The following MFAP1 variants were observed in gnomAD, a reference collection of about 807,000 sequenced individuals.
The protein encoded by MFAP1 is microfibril associated protein 1.
Under a neutral mutation model 62.2 loss-of-function variants are expected in MFAP1, and 18 were observed. That is an observed-to-expected ratio of 0.29 (90% CI 0.20 to 0.43). The LOEUF is 0.43. Ranked by LOEUF, MFAP1 falls within the 20% of genes least tolerant of loss-of-function variation. MFAP1 has a pLI of 1.00. For missense variants in MFAP1, 355 were observed against 559.7 expected (o/e 0.63, Z 3.69); for synonymous variants, 175 against 180.4 (o/e 0.97, Z 0.24).
At chr15:43,815,224 G>T in intron 2 of MFAP1, 150 bp from the exon 3 acceptor site, 1 of 979,154 alleles carries the variant, frequency 1.0e-6, no homozygotes, top group Non-Finnish European at 1.5e-6. Context: ...CTGTCGCCCA[G>T]GCTGCAGTGC....
chr15:43,814,396 C>T, intron 4 of MFAP1, 105 bp downstream of exon 4: 2 of 1,324,122 alleles, frequency 1.5e-6, no homozygotes, highest in Middle Eastern at 1.9e-4. Context: ...AGCACTTTCA[C>T]TCAGCGTTTA....
intron 6 of MFAP1, among the ~76,000 whole-genome samples, chr15:43,812,079 A>C (rs1390082485): frequency 2.0e-5 from 3 of 151,910 alleles, no homozygotes; most frequent in Non-Finnish European, 2.9e-5. Context: ...AATCCCAGCT[A>C]CTTGGGAGGC....
At chr15:43,810,696 G>A (rs1011538890) in intron 6 of MFAP1, among the ~76,000 whole-genome samples, 2 of 151,528 alleles carry the variant, frequency 1.3e-5, no homozygotes, top group African/African-American at 4.9e-5. Flanking sequence ...GCCAGTGTTG[G>A]GGAGAGGGAG....
intron 7 of MFAP1, among the ~76,000 whole-genome samples, chr15:43,809,434 C>T (rs1567175833): frequency 6.6e-6 from 1 of 150,722 alleles, no homozygotes; most frequent in Admixed American, 6.6e-5. Flanking sequence ...GTCAAGGTTG[C>T]AGTGAACTAT....
chr15:43,808,662 G>A (rs2087380490), intron 7 of MFAP1, among the ~76,000 whole-genome samples: 1 of 152,244 alleles, frequency 6.6e-6, no homozygotes, highest in Non-Finnish European at 1.5e-5. Flanking sequence ...AGCTACATCT[G>A]CTGGAAAACT....
chr15:43,813,982 C>T (rs1040894415), intron 4 of MFAP1, among the ~76,000 whole-genome samples: 1 of 151,966 alleles, frequency 6.6e-6, no homozygotes, highest in African/African-American at 2.4e-5. Context: ...GGCTTGGTGC[C>T]GTGGCTCATG....
chr15:43,824,377 C>T, intron 1 of MFAP1, 114 bp downstream of exon 1: 1 of 1,014,000 alleles, frequency 9.9e-7, no homozygotes, highest in Non-Finnish European at 1.5e-6. Flanking sequence ...AAGAATCTGG[C>T]AGCCAGATCT....
intron 6 of MFAP1, 100 bp from the exon 7 acceptor site, chr15:43,810,014 C>G: frequency 7.2e-7 from 1 of 1,394,542 alleles, no homozygotes; most frequent in Non-Finnish European, 9.9e-7. Flanking sequence ...TATTAGTCAC[C>G]TTCTTTAATT....
Position 43,810,195 on chromosome 15 carries a change from T to C in MFAP1, c.888-281A>G, listed in dbSNP as rs2087390304. 3 of 309,332 alleles carry C rather than the reference T, an allele frequency of 9.7e-6. No homozygotes were observed. The Admixed American group carries it at 1.4e-4, about 14-fold the overall frequency. The allele number at this position is 309,332 out of a possible 1,614,324, so 19.2% of individuals were successfully genotyped here. A position where few individuals can be genotyped will look rare whatever the true frequency, so the allele number is the denominator to read the frequency against. On this transcript the variant is annotated intron_variant, in intron 6 of 8. Transcript: ENST00000267812. ...GGGTTTTCCAACATTACAAATTCTC[T>C]TTCCCTAAAAGGTCTTCTTAGCTTT...
intron 6 of MFAP1, chr15:43,810,197 TC>T (rs1260650233): frequency 2.3e-5 from 7 of 308,216 alleles, no homozygotes; most frequent in African/African-American, 1.5e-4. Flanking sequence ...AAATTCTCTT[TC>T]CCTAAAAGGT....
At position 43,824,084 on chromosome 15, in the gene MFAP1, CTAA is replaced by C. The variant is rs200597944; in HGVS notation, c.79+404_79+406del. On this transcript the variant is annotated intron_variant, in intron 1 of 8. Coordinates refer to ENST00000267812, the MANE Select transcript of MFAP1 (RefSeq NM_005926.3). ...ATACTTAAGTTCCTAAGTAATTACA[CTAA>C]TAATACATAAATTCTTGTAATTATA... 8.9e-3 allele frequency among the ~76,000 whole-genome samples: 1,350 copies of C among 151,408 alleles called. 23 individuals carry two copies. The highest frequency in any genetic ancestry group is 0.029 in the African/African-American group (1,188 of 41,260).
chr15:43,807,659 A>G (rs2087374470), intron 7 of MFAP1, among the ~76,000 whole-genome samples: 1 of 152,060 alleles, frequency 6.6e-6, no homozygotes, highest in Admixed American at 6.6e-5. Flanking sequence ...AAAATTATAC[A>G]TCTTAAATGC....
At position 43,817,734 on chromosome 15, in the gene MFAP1, C is replaced by A. The variant is rs139133878; in HGVS notation, c.80-286G>T. On this transcript the variant is annotated intron_variant, in intron 1 of 8. Coordinates refer to ENST00000267812, the MANE Select transcript of MFAP1 (RefSeq NM_005926.3). ...TGAAACAGTAGAAAAAAGTCCCCCC[C>A]CAAAAAGGCAGACTGCATCCATCAC... is the stretch of plus-strand genomic sequence containing the variant. Among the ~76,000 whole-genome samples the A allele has an allele frequency of 1.2e-3, 185 of 152,240 alleles. 4 individuals carry two copies. In the East Asian group the frequency reaches 0.027, roughly 22 times the overall value.
At chr15:43,821,268 A>G (rs1169763438) in intron 1 of MFAP1, among the ~76,000 whole-genome samples, 5 of 152,192 alleles carry the variant, frequency 3.3e-5, no homozygotes, top group Non-Finnish European at 7.3e-5. Context: ...AAATAGAGAA[A>G]TATTTCATGT....
chr15:43,820,929 A>C (rs1350416737), intron 1 of MFAP1, among the ~76,000 whole-genome samples: 1 of 152,168 alleles, frequency 6.6e-6, no homozygotes, highest in Non-Finnish European at 1.5e-5. Flanking sequence ...TGTTTGAGAA[A>C]GGGTCTCATT....
chr15:43,816,136 T>C lies in MFAP1; in HGVS notation c.300-1062A>G, dbSNP rs554547840. 5.3e-5 allele frequency among the ~76,000 whole-genome samples: 8 copies of C among 152,314 alleles called. No homozygotes were observed. In the East Asian group the frequency reaches 1.5e-3, roughly 29 times the overall value. Reference sequence around the variant, plus strand: ...GCTGATTCCAAGGTTTGAAAGGCTGTCAGTGTCCAACAGGCAAACAAATTC... The same window carrying C: ...GCTGATTCCAAGGTTTGAAAGGCTGCCAGTGTCCAACAGGCAAACAAATTC... On this transcript the variant is annotated intron_variant, in intron 2 of 8. Coordinates refer to ENST00000267812, the MANE Select transcript of MFAP1 (RefSeq NM_005926.3).
In MFAP1 at chr15:43,824,619, G is replaced by A; in HGVS notation, c.-50C>T. 1 of 1,583,792 alleles carries A rather than the reference G, an allele frequency of 6.3e-7. No homozygotes were observed. ...CGAAACTTGACTAATTCCAAACAGT[G>A]AACACCAGCAACGTCAACGAAGAGA... On this transcript the variant is annotated 5_prime_UTR_variant, in exon 1 of 9. Transcript: ENST00000267812.
At position 43,805,181 on chromosome 15, in the gene MFAP1, G is replaced by C. The variant is rs2087355037; in HGVS notation, c.1233C>G (p.Ala411=). 6.2e-7 allele frequency: 1 copy of C among 1,604,454 alleles called. No homozygotes were observed. The highest frequency in any genetic ancestry group is 1.3e-5 in the African/African-American group (1 of 74,836). Residue 411 remains alanine, a synonymous_variant, in exon 9 of 9, where the codon GCC becomes GCG. Coordinates refer to ENST00000267812, the MANE Select transcript of MFAP1 (RefSeq NM_005926.3). ...TTTGTTTGAAGAACTTTGTGTTCTG[G>C]GCACTCTCTTGGCCCCAAGCTGAGT... The part of the protein sequence containing the change: ...SFDSAWGQES[A]QNTKFFKQKA...
intron 1 of MFAP1, among the ~76,000 whole-genome samples, chr15:43,818,518 G>C (rs199542192): frequency 1.8e-5 from 2 of 112,252 alleles, no homozygotes; most frequent in Non-Finnish European, 3.7e-5. Context: ...AAAAAAAAAA[G>C]AAACAAAAAA....
Sources: allele counts gnomAD v4.1 joint callset (sites outside exome capture counted in the v4.1 genomes callset), GRCh38; gene constraint gnomAD v4.1.1; transcripts MANE v1.5; gene names NCBI Gene and HGNC (gene_info 2026-07-23, HGNC 2026-07-21).